The following EPHA6 variants were observed in gnomAD, a reference collection of about 807,000 sequenced individuals.
EPHA6 encodes the protein EPH receptor A6.
A neutral mutation model predicts 112.0 loss-of-function variants in EPHA6; 50 were observed. The ratio of observed to expected loss-of-function variants is 0.45; its 90% CI spans 0.36 to 0.56. The LOEUF is 0.56. EPHA6 is among the 20% of genes least tolerant of loss of function. The pLI is 0.00. For missense variants in EPHA6, 1,280 were observed against 1,417.4 expected (o/e 0.90, Z 1.56); for synonymous variants, 529 against 490.7 (o/e 1.08, Z -1.03).
At chr3:97,565,327 G>C (rs956985393) in intron 11 of EPHA6, among the ~76,000 whole-genome samples, 26 of 152,004 alleles carry the variant, frequency 1.7e-4, no homozygotes, top group African/African-American at 6.3e-4. Flanking sequence ...TGATAATTAT[G>C]ATCTATGATT....
chr3:96,936,411 T>C (rs1475808236), intron 2 of EPHA6, among the ~76,000 whole-genome samples: 1 of 152,012 alleles, frequency 6.6e-6, no homozygotes, highest in Non-Finnish European at 1.5e-5. Context: ...AATCAAGCTG[T>C]TATGAATCCA....
At chr3:97,738,223 G>GT (rs1465428690) in intron 16 of EPHA6, among the ~76,000 whole-genome samples, 1 of 151,902 alleles carries the variant, frequency 6.6e-6, no homozygotes, top group East Asian at 1.9e-4. Flanking sequence ...ATGTTTCTTG[G>GT]TTTTTGTTTT....
intron 5 of EPHA6, among the ~76,000 whole-genome samples, chr3:97,306,579 A>C (rs1366113405): frequency 6.6e-6 from 1 of 151,946 alleles, no homozygotes; most frequent in East Asian, 1.9e-4. Context: ...GAACCACAGA[A>C]ACAAGAGTCC....
chr3:97,250,872 T>TTTTTC (rs2079116560), intron 5 of EPHA6, among the ~76,000 whole-genome samples: 1 of 152,154 alleles, frequency 6.6e-6, no homozygotes, highest in African/African-American at 2.4e-5. Context: ...TTTCTTTTTT[T>TTTTTC]TTTTCTCTTT....
chr3:97,672,961 A>C (rs2030999310), intron 14 of EPHA6, among the ~76,000 whole-genome samples: 1 of 152,184 alleles, frequency 6.6e-6, no homozygotes, highest in Non-Finnish European at 1.5e-5. Flanking sequence ...GGAAATGGAA[A>C]CTTCACCAGG....
intron 14 of EPHA6, among the ~76,000 whole-genome samples, chr3:97,672,133 A>G (rs2030911244): frequency 6.6e-6 from 1 of 152,208 alleles, no homozygotes; most frequent in African/African-American, 2.4e-5. Context: ...TATATCATTC[A>G]TTTCCTGCCC....
chr3:97,000,366 A>ATT (rs1361238110), intron 3 of EPHA6, among the ~76,000 whole-genome samples: 1 of 148,750 alleles, frequency 6.7e-6, no homozygotes, highest in Non-Finnish European at 1.5e-5. Context: ...TTTTTTATAT[A>ATT]TTTTATATAT....
chr3:97,588,446 T>C (rs1332040456), intron 11 of EPHA6, among the ~76,000 whole-genome samples: 1 of 152,242 alleles, frequency 6.6e-6, no homozygotes, highest in Admixed American at 6.5e-5. Flanking sequence ...ATGAAAACAA[T>C]TTGAAGAAGT....
At chr3:97,183,580 T>C (rs1249479404) in intron 3 of EPHA6, among the ~76,000 whole-genome samples, 2 of 152,172 alleles carry the variant, frequency 1.3e-5, no homozygotes. Flanking sequence ...AATAGTTTAT[T>C]CTAGGTAGAT....
intron 2 of EPHA6, among the ~76,000 whole-genome samples, chr3:96,891,764 T>G (rs928763560): frequency 2.0e-5 from 3 of 152,156 alleles, no homozygotes; most frequent in Non-Finnish European, 4.4e-5. Context: ...TTGACATAGA[T>G]GATAGCTACA....
At position 97,736,466 on chromosome 3, in the gene EPHA6, AGAGAGTGT is replaced by A. The variant is rs1433251058; in HGVS notation, c.3128+350_3128+357del. Among the ~76,000 whole-genome samples the A allele has an allele frequency of 1.5e-3, 164 of 111,972 alleles. 2 individuals are homozygous for A. Among genetic ancestry groups the A allele is most frequent in the South Asian group, 2.2e-3 (7 of 3,122 alleles). 73.5% of individuals were successfully genotyped at this position (111,972 alleles called of 152,430 possible). A position where few individuals can be genotyped will look rare whatever the true frequency, so the allele number is the denominator to read the frequency against. On this transcript the variant is annotated intron_variant, in intron 16 of 17. Transcript: ENST00000389672. ...TAGAAGTAGAGAGAGAGAGAGAGAG[AGAGAGTGT>A]GTGTGTGTGTGTGTGTGTGTGTGTG... is the stretch of plus-strand genomic sequence containing the variant.
Position 97,722,644 on chromosome 3 carries a change from G to A in EPHA6, c.2934+2234G>A, listed in dbSNP as rs187025285. 1.2e-4 allele frequency among the ~76,000 whole-genome samples: 19 copies of A among 152,080 alleles called. No homozygotes were observed. In the East Asian group the frequency reaches 3.1e-3, roughly 25 times the overall value. ...AGGGAGATAGACTATAAACAAAATC[G>A]ATAAGAGACATAGTATATAACATGA... On this transcript the variant is annotated intron_variant, in intron 15 of 17. Coordinates refer to ENST00000389672, the MANE Select transcript of EPHA6 (RefSeq NM_001080448.3).
rs866159389 is a variant in EPHA6, at chr3:96,872,853, G to A, written c.450+5964G>A. 9.7e-4 allele frequency among the ~76,000 whole-genome samples: 148 copies of A among 152,016 alleles called. 2 individuals are homozygous for A. The highest frequency in any genetic ancestry group is 3.0e-3 in the African/African-American group (125 of 41,486). ...GTATAGTTTTTCTGGCATTTATCCT[G>A]CCTAGTGTTCTTTGAGCTTCCCGAA... is the stretch of plus-strand genomic sequence containing the variant. On this transcript the variant is annotated intron_variant, in intron 2 of 17. Transcript: ENST00000389672.
At chr3:97,299,347 C>T (rs939648598) in intron 5 of EPHA6, among the ~76,000 whole-genome samples, 4 of 151,886 alleles carry the variant, frequency 2.6e-5, no homozygotes, top group African/African-American at 4.8e-5. Flanking sequence ...GTAAACTATT[C>T]CTTTCAAAAC....
At chr3:97,325,080 G>C (rs1274012723) in intron 5 of EPHA6, among the ~76,000 whole-genome samples, 3 of 151,910 alleles carry the variant, frequency 2.0e-5, no homozygotes, top group Admixed American at 6.6e-5. Context: ...ATACTCACTG[G>C]TGTGTGATCT....
Position 97,648,398 on chromosome 3 carries a change from A to G in EPHA6, c.2784+10316A>G, listed in dbSNP as rs554355461. The G allele has an allele frequency of 5.2e-6, 8 of 1,533,884 alleles. No homozygotes were observed. In the Admixed American group the frequency reaches 8.6e-5, roughly 16 times the overall value. ...AGCCTACACCCAACTGGAGATAATT[A>G]TAAAAAATAATGAAGCAGCATGAGG... On this transcript the variant is annotated intron_variant, in intron 14 of 17. Transcript: ENST00000389672.
Position 97,011,401 on chromosome 3 carries a change from C to G in EPHA6, c.1114+23408C>G, listed in dbSNP as rs76488787. ...TGAAACTGCCATCTCTGCCTCATGC[C>G]TGGATTGTTGTAAGATTAGCCTTTG... On this transcript the variant is annotated intron_variant, in intron 3 of 17. Coordinates refer to ENST00000389672, the MANE Select transcript of EPHA6 (RefSeq NM_001080448.3). 8.6e-3 allele frequency among the ~76,000 whole-genome samples: 1,312 copies of G among 152,232 alleles called. 14 individuals are homozygous for G. Among genetic ancestry groups the G allele is most frequent in the Non-Finnish European group, 0.013 (890 of 68,020 alleles).
At chr3:97,086,564 A>G (rs898076762) in intron 3 of EPHA6, among the ~76,000 whole-genome samples, 8 of 152,102 alleles carry the variant, frequency 5.3e-5, no homozygotes, top group Admixed American at 1.3e-4. Flanking sequence ...ATGTTAAGTT[A>G]CATGGTTTTC....
At chr3:97,618,572 AATG>A (rs1243884908) in intron 13 of EPHA6, among the ~76,000 whole-genome samples, 1 of 152,084 alleles carries the variant, frequency 6.6e-6, no homozygotes, top group Non-Finnish European at 1.5e-5. Context: ...CACAATCAGA[AATG>A]ATAAGGGAGA....
Sources: allele counts gnomAD v4.1 joint callset (sites outside exome capture counted in the v4.1 genomes callset), GRCh38; gene constraint gnomAD v4.1.1; transcripts MANE v1.5; gene names NCBI Gene and HGNC (gene_info 2026-07-23, HGNC 2026-07-21).